The following LARGE2 variants were observed in gnomAD, a reference collection of about 807,000 sequenced individuals.
LARGE2 encodes the protein LARGE xylosyl- and glucuronyltransferase 2, also known as xylosyl- and glucuronyltransferase LARGE2.
In LARGE2, 63 loss-of-function variants were observed where a neutral mutation model predicts 75.3. The ratio of observed to expected loss-of-function variants is 0.84; its 90% CI spans 0.68 to 1.03. The LOEUF is 1.03. Ranked by LOEUF, LARGE2 falls within the 50% of genes least tolerant of loss-of-function variation. The pLI, the probability that LARGE2 is intolerant of heterozygous loss-of-function variation, is 0.00. For synonymous variants in LARGE2, 428 were observed against 420.1 expected (o/e 1.02, Z -0.23); for missense variants, 925 against 980.6 (o/e 0.94, Z 0.76).
chr11:45,927,775 G>T, intron 11 of LARGE2, 145 bp from the exon 12 acceptor site: 1 of 1,438,912 alleles, frequency 6.9e-7, no homozygotes, highest in Non-Finnish European at 9.6e-7. Context: ...TTCAACAGCA[G>T]CTCCACCTGT....
At chr11:45,926,622 C>T in intron 9 of LARGE2, 25 bp downstream of exon 9, 1 of 1,613,706 alleles carries the variant, frequency 6.2e-7, no homozygotes, top group South Asian at 1.1e-5. Context: ...CCTTCCCCTG[C>T]CCCTCTCTGC....
rs2087163201 is a variant in LARGE2, at chr11:45,926,617, C to CCCTG, written c.1164+23_1164+26dup. On this transcript the variant is annotated intron_variant, in intron 9 of 13. Coordinates refer to ENST00000401752, the MANE Select transcript of LARGE2 (RefSeq NM_001300721.2). ...GAGCAGGTGAGAAGGAGTCACCTTC[C>CCCTG]CCTGCCCCTCTCTGCTTTGGTGGGA... The CCCTG allele has an allele frequency of 6.2e-7, 1 of 1,613,666 alleles. No homozygotes were observed. Among genetic ancestry groups the CCCTG allele is most frequent in the Admixed American group, 1.7e-5 (1 of 59,994 alleles).
rs1590803469 is a variant in LARGE2, at chr11:45,922,866, C to A, written c.-17C>A. ...GCCCCGGGTCGCGTCCCTCCCTGAG[C>A]GCCCCCGTCGGCGGCCATGCTGCCC... On this transcript the variant is annotated 5_prime_UTR_variant, in exon 2 of 14. Coordinates refer to ENST00000401752, the MANE Select transcript of LARGE2 (RefSeq NM_001300721.2). The A allele has an allele frequency of 2.4e-6, 3 of 1,252,602 alleles. No individual in the cohort carries two copies. Among genetic ancestry groups the A allele is most frequent in the South Asian group, 3.3e-5 (1 of 30,576 alleles). The allele number at this position is 1,252,602 out of a possible 1,614,324, so 77.6% of individuals were successfully genotyped here. A position where few individuals can be genotyped will look rare whatever the true frequency, so the allele number is the denominator to read the frequency against.
At position 45,926,225 on chromosome 11, in the gene LARGE2, A is replaced by T. The variant is rs2087136689; in HGVS notation, c.886A>T (p.Ile296Phe). 6.2e-7 allele frequency: 1 copy of T among 1,613,910 alleles called. No individual in the cohort carries two copies. Among genetic ancestry groups the T allele is most frequent in the Admixed American group, 1.7e-5 (1 of 59,990 alleles). The change falls in exon 8 of 14, where the codon ATC (isoleucine) becomes TTC (phenylalanine). Residue 296 changes from isoleucine (I) to phenylalanine (F), a missense_variant. Around this residue, in one of 3 missense-constraint regions of LARGE2, gnomAD observed 453 missense variants for 460.2 expected, o/e 0.98. Transcript: ENST00000401752. ...TGTGATGGGTGTCTCTGCTCAGGAC[A>T]TCTTCAACGCTGTGATCAAGGAGCA... ...LPATSLADQD[I>F]FNAVIKEHPG...
chr11:45,928,352 A>G lies in LARGE2; in HGVS notation c.1930A>G (p.Ile644Val), dbSNP rs188560105. Residue 644 changes from isoleucine (I) to valine (V), a missense_variant, in exon 13 of 14, where the codon ATT becomes GTT. Physicochemically the swap from Ile to Val is conservative, Grantham distance 29 (BLOSUM62 3). Coordinates refer to ENST00000401752, the MANE Select transcript of LARGE2 (RefSeq NM_001300721.2). ...VGFGWNKVAH[I>V]VELDAQEYEL... ...CTTCGGCTGGAACAAAGTGGCCCAC[A>G]TTGTGGAGCTGGATGCCCAGGTGAG... 2.7e-4 allele frequency: 441 copies of G among 1,613,866 alleles called. 2 individuals are homozygous for G. The Admixed American group carries it at 4.2e-3, about 15-fold the overall frequency.
At chr11:45,925,393 C>A (rs1372930571) in intron 6 of LARGE2, among the ~76,000 whole-genome samples, 1 of 152,152 alleles carries the variant, frequency 6.6e-6, no homozygotes, top group Non-Finnish European at 1.5e-5. Context: ...CAGTGGCTCA[C>A]ACCTGTAATC....
intron 4 of LARGE2, 97 bp from the exon 5 acceptor site, chr11:45,924,409 G>A: frequency 1.3e-6 from 2 of 1,561,802 alleles, no homozygotes; most frequent in South Asian, 1.2e-5. Flanking sequence ...CTCTCTTTTG[G>A]GGGTTTACCC....
At chr11:45,927,241 G>A in intron 10 of LARGE2, 74 bp from the exon 11 acceptor site, 1 of 1,503,886 alleles carries the variant, frequency 6.6e-7, no homozygotes, top group Non-Finnish European at 9.0e-7. Flanking sequence ...GCAGCTAACT[G>A]GGGAGGTTTG....
rs2087002758 is a variant in LARGE2, at chr11:45,923,423, C to T, written c.286-50C>T. 5 of 1,529,394 alleles carry T rather than the reference C, an allele frequency of 3.3e-6. No homozygotes were observed. In the Admixed American group the frequency reaches 5.4e-5, roughly 17 times the overall value. The allele number at this position is 1,529,394 out of a possible 1,614,324, so 94.7% of individuals were successfully genotyped here. ...TGGGGCAGCTCAACATGGGTCCTCA[C>T]CGCCTAGCGGAGAAGGGGGGCTGCT... is the stretch of plus-strand genomic sequence containing the variant. On this transcript the variant is annotated intron_variant, in intron 2 of 13. Coordinates refer to ENST00000401752, the MANE Select transcript of LARGE2 (RefSeq NM_001300721.2).
In LARGE2 at chr11:45,928,854, C is replaced by G. The variant is rs374733403; in HGVS notation, c.*9C>G. 6 of 1,612,672 alleles carry G rather than the reference C, an allele frequency of 3.7e-6. No homozygotes were observed. The South Asian group carries it at 5.5e-5, about 15-fold the overall frequency. On this transcript the variant is annotated 3_prime_UTR_variant, in exon 14 of 14. Coordinates refer to ENST00000401752, the MANE Select transcript of LARGE2 (RefSeq NM_001300721.2). ...GCCCTGCCCGAGGCTGAGGCTGGGC[C>G]GGCGCTGCCCCTCATCTTAGCATTG...
Position 45,923,009 on chromosome 11 carries a change from G to T in LARGE2, c.127G>T (p.Gly43Trp). ...GCGCCGCGAGCCTGGCGGGCGAGCG[G>T]GGGCCCCGGGATGCTTCCCCGGCCC... ...CERREPGGRA[G>W]APGCFPGPLM... Residue 43 changes from glycine (G) to tryptophan (W), a missense_variant, in exon 2 of 14, where the codon GGG (glycine) becomes TGG (tryptophan). By Grantham distance (184) the Gly-to-Trp change is radical (BLOSUM62 -2). This residue lies in a region of LARGE2 where 453 missense variants were observed against 460.2 expected (regional missense o/e 0.98). Transcript: ENST00000401752. 1 of 1,356,648 alleles carries T rather than the reference G, an allele frequency of 7.4e-7. No individual in the cohort carries two copies. The highest frequency in any genetic ancestry group is 9.4e-7 in the Non-Finnish European group (1 of 1,058,788). 84.0% of individuals were successfully genotyped at this position (1,356,648 alleles called of 1,614,324 possible).
intron 12 of LARGE2, 32 bp downstream of exon 12, chr11:45,928,101 TCACTTGCCCA>T (rs1238781293): frequency 6.2e-7 from 1 of 1,612,784 alleles, no homozygotes. Context: ...CCCACTCCAC[TCACTTGCCCA>T]CACTGGCCCC....
upstream of LARGE2, chr11:45,921,627 A>T (rs2086924558): frequency 6.6e-6 from 1 of 152,236 alleles, no homozygotes; most frequent in Non-Finnish European, 1.5e-5. Context: ...AAACAAGCAA[A>T]CAACTTCAAC....
rs201967383 is a variant in LARGE2, at chr11:45,924,602, G to A, written c.589G>A (p.Val197Ile). ...TGCCTTGCCTGCTGAGCTGGCCCGC[G>A]TCATTGTCCTGGACACGGATGTCAC... ...PSALPAELAR[V>I]IVLDTDVTFA... Residue 197 changes from valine to isoleucine, a missense_variant, in exon 5 of 14, where the codon GTC (valine) becomes ATC (isoleucine). Physicochemically the swap from Val to Ile is conservative, Grantham distance 29. Transcript: ENST00000401752. 2.1e-5 allele frequency: 34 copies of A among 1,613,982 alleles called. No individual in the cohort carries two copies. The highest frequency in any genetic ancestry group is 1.2e-4 in the South Asian group (11 of 91,080).
rs1416082147 is a variant in LARGE2 at position 45,926,494 on chromosome 11, A to G, written c.1061A>G (p.Glu354Gly). 3.1e-6 allele frequency: 5 copies of G among 1,613,972 alleles called. No individual in the cohort carries two copies. The highest frequency in any genetic ancestry group is 4.2e-6 in the Non-Finnish European group (5 of 1,180,030). ...CTTCGGGTGAAGAACAAGCATGTGG[A>G]ATTCTTCCGCAATTTCTACCTGACC... ...KKLRVKNKHV[E>G]FFRNFYLTFL... The change falls in exon 9 of 14, where the codon GAA becomes GGA. Residue 354 changes from glutamate to glycine, a missense_variant. Glu to Gly is a moderately conservative substitution (Grantham distance 98, BLOSUM62 -2). Coordinates refer to ENST00000401752, the MANE Select transcript of LARGE2 (RefSeq NM_001300721.2).
Position 45,928,758 on chromosome 11 carries a change from C to CCA in LARGE2, c.2081_2082dup (p.Gln695ThrfsTer55), listed in dbSNP as rs1181104164. ...GCCTCCAGGCCCTCAAGGACGAATT[C>CCA]CACCAGGACTTGTCCCGCCACCATG... is the stretch of plus-strand genomic sequence containing the variant. On this transcript the variant is annotated frameshift_variant, in exon 14 of 14. Coordinates refer to ENST00000401752, the MANE Select transcript of LARGE2 (RefSeq NM_001300721.2). LOFTEE classifies it high-confidence loss of function. 3 of 1,614,008 alleles carry CCA rather than the reference C, an allele frequency of 1.9e-6. No homozygotes were observed. The highest frequency in any genetic ancestry group is 1.6e-4 in the Middle Eastern group (1 of 6,084).
chr11:45,924,760 G>T (rs1361331776), intron 5 of LARGE2, 25 bp from the exon 6 acceptor site: 2 of 1,511,452 alleles, frequency 1.3e-6, no homozygotes, highest in South Asian at 1.3e-5. Context: ...GCTTCAGACA[G>T]CTCCCTTATG....
At position 45,924,691 on chromosome 11, in the gene LARGE2, G is replaced by A; in HGVS notation, c.664+14G>A. On this transcript the variant is annotated intron_variant, in intron 5 of 13. Coordinates refer to ENST00000401752, the MANE Select transcript of LARGE2 (RefSeq NM_001300721.2). ...CTCACTTTTCTGGTGAGAGGCCTGGGAGCCTGCCTGGCCTGCCCAGGATCC... is the reference window on the plus strand; with the variant it reads ...CTCACTTTTCTGGTGAGAGGCCTGGAAGCCTGCCTGGCCTGCCCAGGATCC... The A allele has an allele frequency of 6.3e-7, 1 of 1,598,956 alleles. No homozygotes were observed. Among genetic ancestry groups the A allele is most frequent in the Non-Finnish European group, 8.5e-7 (1 of 1,172,606 alleles).
Position 45,928,283 on chromosome 11 carries a change from GT to G in LARGE2, c.1862del (p.Val621GlyfsTer128). ...GGCGGCCAACTATGAACCCTACGTG[GT>G]GGTGCCACGAGACTGTCCCCGCTAT... ...QWAANYEPYV[V>X]VPRDCPRYDP... On this transcript the variant is annotated frameshift_variant, in exon 13 of 14. Coordinates refer to ENST00000401752, the MANE Select transcript of LARGE2 (RefSeq NM_001300721.2). LOFTEE classifies it high-confidence loss of function. 6.2e-7 allele frequency: 1 copy of G among 1,614,134 alleles called. No individual in the cohort carries two copies. Among genetic ancestry groups the G allele is most frequent in the Non-Finnish European group, 8.5e-7 (1 of 1,180,044 alleles).
Sources: allele counts gnomAD v4.1 joint callset (sites outside exome capture counted in the v4.1 genomes callset), GRCh38; gene constraint gnomAD v4.1.1; regional missense constraint gnomAD v4.1.1; transcripts MANE v1.5; gene names NCBI Gene and HGNC (gene_info 2026-07-23, HGNC 2026-07-21).